Variants in MYOM2 observed in about 807,000 individuals in gnomAD.
The protein encoded by MYOM2 is myomesin 2.
A neutral mutation model predicts 187.6 loss-of-function variants in MYOM2; 254 were observed. That is an observed-to-expected ratio of 1.35 (90% CI 1.22 to 1.50). The LOEUF (loss-of-function observed/expected upper bound fraction) is 1.50. Among genes scored for constraint, MYOM2 ranks in the 40% most tolerant of loss-of-function variants. The pLI, the probability that MYOM2 is intolerant of heterozygous loss-of-function variation, is 0.00. For synonymous variants in MYOM2, 981 were observed against 753.8 expected (o/e 1.30, Z -4.94); for missense variants, 2,796 against 1,924.0 (o/e 1.45, Z -8.48).
At chr8:2,102,128 C>T (rs930164260) in intron 20 of MYOM2, 1 of 152,400 alleles carries the variant, frequency 6.6e-6, no homozygotes, top group South Asian at 2.1e-4. Context: ...TCCGGAAACC[C>T]TTTGATGACA....
At chr8:2,055,499 C>T (rs1371131119) in intron 3 of MYOM2, among the ~76,000 whole-genome samples, 2 of 151,882 alleles carry the variant, frequency 1.3e-5, no homozygotes, top group Admixed American at 1.3e-4. Context: ...TAGGGAAAGG[C>T]TGTGTGTGTG....
intron 31 of MYOM2, among the ~76,000 whole-genome samples, chr8:2,128,780 T>C (rs1024540753): frequency 2.0e-5 from 3 of 152,214 alleles, no homozygotes; most frequent in Non-Finnish European, 4.4e-5. Context: ...ATAGTTCAGC[T>C]TGGGGTTAAC....
intron 9 of MYOM2, 114 bp from the exon 10 acceptor site, chr8:2,073,225 G>T (rs904232846): frequency 1.7e-6 from 2 of 1,153,576 alleles, no homozygotes; most frequent in Non-Finnish European, 2.4e-6. Flanking sequence ...TGCCTTCCGT[G>T]GTGTCCAGCT....
At position 2,085,321 on chromosome 8, in the gene MYOM2, C is replaced by T; in HGVS notation, c.1575C>T (p.Asn525=). 1 of 1,614,196 alleles carries T rather than the reference C, an allele frequency of 6.2e-7. No homozygotes were observed. Among genetic ancestry groups the T allele is most frequent in the East Asian group, 2.2e-5 (1 of 44,878 alleles). Residue 525 remains asparagine (N), a synonymous_variant, in exon 14 of 37, where the codon AAC becomes AAT. Transcript: ENST00000262113. The part of the protein sequence containing the change: ...TGVHASEISR[N]YVVLSWEPPT... ...TGCACGCTTCCGAGATCAGCAGAAA[C>T]TATGTCGTCCTCAGCTGGGAGCCAC...
intron 21 of MYOM2, among the ~76,000 whole-genome samples, chr8:2,104,630 T>G (rs1196956072): frequency 6.6e-6 from 1 of 151,658 alleles, no homozygotes; most frequent in Non-Finnish European, 1.5e-5. Context: ...AAAAAAAGTT[T>G]ATTTGGCTCA....
chr8:2,083,033 G>C (rs570851624), intron 13 of MYOM2, among the ~76,000 whole-genome samples: 45 of 152,264 alleles, frequency 3.0e-4, no homozygotes, highest in Admixed American at 1.1e-3. Context: ...TCAATTTCTG[G>C]ATTTTTAAGT....
intron 32 of MYOM2, among the ~76,000 whole-genome samples, chr8:2,134,846 A>G (rs1798011818): frequency 1.3e-5 from 2 of 151,920 alleles, no homozygotes; most frequent in Admixed American, 6.6e-5. Flanking sequence ...CTCATCTCAT[A>G]TCTTCTGCCC....
At position 2,141,173 on chromosome 8, in the gene MYOM2, T is replaced by C. The variant is rs117478253; in HGVS notation, c.3997T>C (p.Phe1333Leu). 4,270 of 1,612,228 alleles carry C rather than the reference T, an allele frequency of 2.6e-3. 63 individuals are homozygous for C. In the East Asian group the frequency reaches 0.036, roughly 14 times the overall value. Residue 1333 changes from phenylalanine to leucine, a missense_variant, in exon 34 of 37, where the codon TTC (phenylalanine) becomes CTC (leucine). Physicochemically the swap from Phe to Leu is conservative, Grantham distance 22. Coordinates refer to ENST00000262113, the MANE Select transcript of MYOM2 (RefSeq NM_003970.4). The stretch of plus-strand genomic sequence containing the variant: ...TGAAGCATTTGCAGAATTCCAGCAA[T>C]TCAAGTAAGATTTGTGTATTTAGTT... The part of the protein sequence containing the change: ...FDEAFAEFQQ[F>L]KAAAFAEKNR...
At chr8:2,100,630 G>A (rs1445143582) in intron 19 of MYOM2, 1 of 502,296 alleles carries the variant, frequency 2.0e-6, no homozygotes, top group East Asian at 3.1e-5. Context: ...ATGCAGTGTG[G>A]ACTTCTGAAT....
At chr8:2,068,360 G>C (rs1453060030) in intron 6 of MYOM2, among the ~76,000 whole-genome samples, 1 of 150,002 alleles carries the variant, frequency 6.7e-6, no homozygotes, top group Non-Finnish European at 1.5e-5. Flanking sequence ...CAATGCCCGT[G>C]TGCACCAGGC....
At chr8:2,084,008 G>T (rs1178896593) in intron 13 of MYOM2, among the ~76,000 whole-genome samples, 1 of 152,222 alleles carries the variant, frequency 6.6e-6, no homozygotes, top group Non-Finnish European at 1.5e-5. Context: ...TCTGTTCATT[G>T]CCTTGTTCCT....
chr8:2,105,486 G>A (rs887874702), intron 21 of MYOM2, among the ~76,000 whole-genome samples: 3 of 152,152 alleles, frequency 2.0e-5, no homozygotes, highest in African/African-American at 7.2e-5. Flanking sequence ...GACAAGGCAA[G>A]GCCCCATGGA....
chr8:2,102,351 C>A, intron 20 of MYOM2: 1 of 251,604 alleles, frequency 4.0e-6, no homozygotes, highest in Non-Finnish European at 7.7e-6. Context: ...TATTTGGTTC[C>A]ACAGAATTAT....
At chr8:2,049,038 G>A (rs756565861) in intron 1 of MYOM2, among the ~76,000 whole-genome samples, 2 of 151,986 alleles carry the variant, frequency 1.3e-5, no homozygotes, top group African/African-American at 2.4e-5. Context: ...TGATCCACCC[G>A]CCTTGGCCTC....
intron 18 of MYOM2, chr8:2,098,252 G>T (rs3779845): frequency 0.054 from 8,186 of 152,264 alleles, 308 homozygotes; most frequent in South Asian, 0.081. Flanking sequence ...CCACAAGCCC[G>T]GGGGAGTCGA....
intron 25 of MYOM2, among the ~76,000 whole-genome samples, chr8:2,112,228 T>G (rs1359218430): frequency 3.9e-5 from 6 of 151,964 alleles, no homozygotes; most frequent in African/African-American, 1.5e-4. Context: ...CACCTTCAAT[T>G]AGAGGAGGAC....
Position 2,102,414 on chromosome 8 carries a change from T to G in MYOM2, c.2620-253T>G, listed in dbSNP as rs577267693. Among the ~76,000 whole-genome samples the G allele has an allele frequency of 2.0e-5, 3 of 150,568 alleles. No individual in the cohort carries two copies. The South Asian group carries it at 6.4e-4, about 32-fold the overall frequency. On this transcript the variant is annotated intron_variant, in intron 20 of 36. Coordinates refer to ENST00000262113, the MANE Select transcript of MYOM2 (RefSeq NM_003970.4). ...TAGTCAGTATGATTTTACTTCTGCT[T>G]TAAAATATGCAGAGATAAAAAAATG...
At chr8:2,116,183 T>C (rs1183298263) in intron 26 of MYOM2, 33 bp from the exon 27 acceptor site, 2 of 1,599,432 alleles carry the variant, frequency 1.3e-6, no homozygotes. Flanking sequence ...AGCAAACATG[T>C]TTCATATATA....
chr8:2,073,151 G>C (rs1819292938), intron 9 of MYOM2, among the ~76,000 whole-genome samples, 188 bp from the exon 10 acceptor site: 1 of 152,226 alleles, frequency 6.6e-6, no homozygotes, highest in African/African-American at 2.4e-5. Context: ...TGGGCTGTGG[G>C]TGCTCAGTTC....
Sources: allele counts gnomAD v4.1 joint callset (sites outside exome capture counted in the v4.1 genomes callset), GRCh38; gene constraint gnomAD v4.1.1; transcripts MANE v1.5; gene names NCBI Gene and HGNC (gene_info 2026-07-23, HGNC 2026-07-21).